FRAS1: variants seen among roughly 807,000 people sequenced by gnomAD.
The protein encoded by FRAS1 is Fraser extracellular matrix complex subunit 1.
A neutral mutation model predicts 435.2 loss-of-function variants in FRAS1; 290 were observed. The observed-to-expected ratio is 0.67, with a 90% confidence interval of 0.61 to 0.73. The LOEUF is 0.73. Among genes scored for constraint, FRAS1 ranks in the 30% least tolerant of loss-of-function variants. The probability of loss-of-function intolerance (pLI) is 0.00; values close to 1 mark genes in which losing one functional copy is unlikely to be tolerated. For synonymous variants in FRAS1, 1,800 were observed against 1,851.0 expected, an observed-to-expected ratio of 0.97 and a Z score of 0.71; for missense variants, 4,860 against 5,001.5, an observed-to-expected ratio of 0.97 and a Z score of 0.85.
chr4:78,411,859 C>T (rs753744296), intron 31 of FRAS1, among the ~76,000 whole-genome samples: 7 of 152,152 alleles, frequency 4.6e-5, no homozygotes, highest in Non-Finnish European at 7.4e-5. Context: ...GATCATAAAC[C>T]TGACTGATCT....
intron 27 of FRAS1, among the ~76,000 whole-genome samples, chr4:78,380,267 T>G (rs1044167744): frequency 2.0e-5 from 3 of 152,184 alleles, no homozygotes; most frequent in African/African-American, 4.8e-5. Context: ...ATTACCCAGA[T>G]TTTTGGCCCA....
intron 2 of FRAS1, among the ~76,000 whole-genome samples, chr4:78,139,064 T>C (rs192613022): frequency 6.6e-6 from 1 of 152,314 alleles, no homozygotes; most frequent in Admixed American, 6.5e-5. Context: ...TTTGGGCTCA[T>C]AGACTTGCCT....
intron 20 of FRAS1, among the ~76,000 whole-genome samples, chr4:78,356,345 T>C (rs911788355): frequency 6.6e-6 from 1 of 152,074 alleles, no homozygotes. Flanking sequence ...TCCAATAACC[T>C]TTTCCCCCCT....
chr4:78,410,269 T>A (rs1733280770), intron 31 of FRAS1, among the ~76,000 whole-genome samples: 1 of 152,098 alleles, frequency 6.6e-6, no homozygotes, highest in Non-Finnish European at 1.5e-5. Flanking sequence ...GGTTACTGAG[T>A]AAATAAGGCA....
At chr4:78,278,061 A>G (rs577095958) in intron 9 of FRAS1, among the ~76,000 whole-genome samples, 4 of 152,260 alleles carry the variant, frequency 2.6e-5, no homozygotes, top group African/African-American at 9.6e-5. Context: ...GGCCTCCCAA[A>G]GTGCTGGGAT....
chr4:78,523,605 TCTTA>T (rs1372780830), intron 69 of FRAS1, among the ~76,000 whole-genome samples: 1 of 152,216 alleles, frequency 6.6e-6, no homozygotes, highest in Non-Finnish European at 1.5e-5. Flanking sequence ...AGCATTAAAA[TCTTA>T]CTTCAAATTG....
At chr4:78,475,655 T>C in intron 54 of FRAS1, 49 bp downstream of exon 54, 1 of 1,474,596 alleles carries the variant, frequency 6.8e-7, no homozygotes, top group South Asian at 1.5e-5. Flanking sequence ...GGCTGTGACA[T>C]GGCTGCAAGC....
chr4:78,522,619 A>C, intron 68 of FRAS1, 30 bp from the exon 69 acceptor site: 1 of 1,565,144 alleles, frequency 6.4e-7, no homozygotes, highest in Non-Finnish European at 8.7e-7. Context: ...CCACAAGTAC[A>C]TTAAATGCAT....
chr4:78,277,457 C>G (rs571100478), intron 9 of FRAS1, among the ~76,000 whole-genome samples: 1 of 152,036 alleles, frequency 6.6e-6, no homozygotes, highest in Non-Finnish European at 1.5e-5. Flanking sequence ...ATCTTGGAAC[C>G]GCCCCCCCCA....
At chr4:78,255,055 A>G (rs1354366407) in intron 5 of FRAS1, among the ~76,000 whole-genome samples, 187 bp from the exon 6 acceptor site, 1 of 152,164 alleles carries the variant, frequency 6.6e-6, no homozygotes, top group Non-Finnish European at 1.5e-5. Context: ...GAGCCTCAAA[A>G]CTTCACCTAT....
rs1560602682 is a variant in FRAS1, at chr4:78,249,076, T to TATATGC, written c.310-3312_310-3311insGCATAT. Among the ~76,000 whole-genome samples the TATATGC allele has an allele frequency of 4.4e-5, 5 of 113,512 alleles. 1 individual carries two copies. Among genetic ancestry groups the TATATGC allele is most frequent in the African/African-American group, 1.2e-4 (4 of 32,280 alleles). 74.5% of individuals were successfully genotyped at this position (113,512 alleles called of 152,430 possible). On this transcript the variant is annotated intron_variant, in intron 4 of 73. Coordinates refer to ENST00000512123, the MANE Select transcript of FRAS1 (RefSeq NM_025074.7). The stretch of plus-strand genomic sequence containing the variant: ...ATATATATATATGCATATATATATA[T>TATATGC]ATATATATATGCATGTGCTGATGCC...
chr4:78,502,192 G>A (rs886978421), intron 61 of FRAS1, among the ~76,000 whole-genome samples: 1 of 152,166 alleles, frequency 6.6e-6, no homozygotes, highest in Admixed American at 6.5e-5. Flanking sequence ...GACTGTCTTG[G>A]CAATGAGGGC....
chr4:78,404,693 G>C (rs1227996044), intron 30 of FRAS1, among the ~76,000 whole-genome samples: 1 of 152,140 alleles, frequency 6.6e-6, no homozygotes, highest in Non-Finnish European at 1.5e-5. Context: ...CACTTCCTCA[G>C]TTACTCTTGC....
At chr4:78,167,221 T>C (rs1381328040) in intron 2 of FRAS1, among the ~76,000 whole-genome samples, 1 of 152,206 alleles carries the variant, frequency 6.6e-6, no homozygotes, top group Non-Finnish European at 1.5e-5. Flanking sequence ...CAGCAGTTAC[T>C]GACTTTCTTC....
chr4:78,420,685 T>G (rs1464972082), intron 33 of FRAS1, among the ~76,000 whole-genome samples: 3 of 138,224 alleles, frequency 2.2e-5, no homozygotes, highest in Non-Finnish European at 3.3e-5. Flanking sequence ...TTTTATAGCC[T>G]TACCAGCAGA....
chr4:78,133,728 T>C (rs138489711), intron 2 of FRAS1, among the ~76,000 whole-genome samples: 246 of 152,264 alleles, frequency 1.6e-3, no homozygotes, highest in African/African-American at 5.6e-3. Flanking sequence ...GTAAACAAAA[T>C]GACGAGGCCA....
At chr4:78,295,888 G>A (rs963858290) in intron 14 of FRAS1, among the ~76,000 whole-genome samples, 1 of 151,844 alleles carries the variant, frequency 6.6e-6, no homozygotes, top group African/African-American at 2.4e-5. Flanking sequence ...TGGGACTACA[G>A]GGGTGTGCCA....
intron 3 of FRAS1, among the ~76,000 whole-genome samples, chr4:78,240,384 A>G (rs1578201770): frequency 6.6e-6 from 1 of 151,810 alleles, no homozygotes; most frequent in African/African-American, 2.4e-5. Context: ...TGTGACAAGT[A>G]TTTAGGGGAT....
intron 9 of FRAS1, among the ~76,000 whole-genome samples, chr4:78,270,547 GC>G (rs996270922): frequency 1.7e-4 from 11 of 65,296 alleles, no homozygotes; most frequent in South Asian, 6.9e-4. Context: ...CCGCCACCCC[GC>G]CCCCCCGCCA....
Sources: gnomAD v4.1 joint callset for allele counts (sites outside exome capture counted in the v4.1 genomes callset) on GRCh38, gnomAD v4.1.1 for gene constraint, MANE v1.5 for transcripts, NCBI Gene and HGNC (gene_info 2026-07-23, HGNC 2026-07-21) for gene names.